The following DAB2IP variants were observed in gnomAD, a reference collection of about 807,000 sequenced individuals.
DAB2IP encodes DAB2 interacting protein.
DAB2IP carries 28 observed loss-of-function variants against 107.2 expected under a neutral mutation model. That is an observed-to-expected ratio of 0.26 (90% CI 0.19 to 0.36). The LOEUF (loss-of-function observed/expected upper bound fraction) is 0.36. DAB2IP is among the 10% of genes least tolerant of loss of function. The pLI is 1.00. For synonymous variants in DAB2IP, 755 were observed against 706.4 expected (o/e 1.07, Z -1.09); for missense variants, 1,400 against 1,644.7 (o/e 0.85, Z 2.57).
intron 3 of DAB2IP, among the ~76,000 whole-genome samples, chr9:121,717,412 C>T (rs746910680): frequency 6.6e-5 from 10 of 152,240 alleles, no homozygotes; most frequent in South Asian, 2.1e-4. Flanking sequence ...GCATCCTTTT[C>T]GGTGCAGTTT....
intron 1 of DAB2IP, among the ~76,000 whole-genome samples, chr9:121,669,616 A>G (rs562213204): frequency 7.2e-5 from 11 of 152,236 alleles, no homozygotes; most frequent in African/African-American, 2.4e-4. Context: ...CTTGAGTCCT[A>G]TCTCTAGGGA....
At chr9:121,592,579 C>CATAT (rs1830439034) in intron 1 of DAB2IP, among the ~76,000 whole-genome samples, 1 of 152,192 alleles carries the variant, frequency 6.6e-6, no homozygotes. Context: ...TGTTCTTTTC[C>CATAT]AGTGACCATA....
intron 9 of DAB2IP, among the ~76,000 whole-genome samples, chr9:121,767,404 C>A (rs1302251291): frequency 6.6e-6 from 1 of 152,214 alleles, no homozygotes; most frequent in East Asian, 1.9e-4. Flanking sequence ...GTGATAGACA[C>A]ACACGAGCCT....
chr9:121,649,708 C>G (rs1832673725), upstream of DAB2IP, among the ~76,000 whole-genome samples: 1 of 152,222 alleles, frequency 6.6e-6, no homozygotes, highest in South Asian at 2.1e-4. Flanking sequence ...GTGCTCAGAA[C>G]CCCACCTACG....
At chr9:121,571,674 A>C (rs658783) in intron 1 of DAB2IP, among the ~76,000 whole-genome samples, 46,613 of 151,872 alleles carry the variant, frequency 0.31, 7,926 homozygotes, top group African/African-American at 0.41. Flanking sequence ...CAGAGGCTGA[A>C]AGGGTTCAGC....
chr9:121,783,174 C>T (rs1835782658), exon 16 of DAB2IP: 7 of 1,073,260 alleles, frequency 6.5e-6, no homozygotes, highest in Non-Finnish European at 7.9e-6. Flanking sequence ...CTGCTACCTT[C>T]TTCCCTGCCT....
At chr9:121,697,771 C>T (rs556460253) in intron 2 of DAB2IP, among the ~76,000 whole-genome samples, 1 of 152,262 alleles carries the variant, frequency 6.6e-6, no homozygotes, top group East Asian at 1.9e-4. Flanking sequence ...CACGCAGAAT[C>T]CCAACAGGTG....
rs1209726543 is a variant in DAB2IP at position 121,634,261 on chromosome 9, C to T, written c.41-44417C>T. Among the ~76,000 whole-genome samples, 1 of 152,198 alleles carries T rather than the reference C, an allele frequency of 6.6e-6. No homozygotes were observed. The highest frequency in any genetic ancestry group is 1.5e-5 in the Non-Finnish European group (1 of 68,036). The stretch of plus-strand genomic sequence containing the variant: ...CCAATGACAACATGGGAATCCTGTG[C>T]TTTTAAGACAGGAGTAGGGCCAGAA... On this transcript the variant is annotated intron_variant, in intron 1 of 16. Coordinates refer to the DAB2IP transcript ENST00000259371. This position sits in a 1 kb window ranked among gnomAD's most constrained non-coding sequence, Gnocchi z 4.7.
At chr9:121,612,203 A>C (rs1831119227) in intron 1 of DAB2IP, among the ~76,000 whole-genome samples, 1 of 151,904 alleles carries the variant, frequency 6.6e-6, no homozygotes, top group South Asian at 2.1e-4. Context: ...CTGTAGTCCC[A>C]GCTACTCTGG....
chr9:121,665,797 T>G (rs919844938), intron 1 of DAB2IP, among the ~76,000 whole-genome samples: 1 of 152,234 alleles, frequency 6.6e-6, no homozygotes, highest in African/African-American at 2.4e-5. Context: ...TTCTCTTTTA[T>G]TAAGCCATTT....
chr9:121,722,658 C>CG (rs1831006369), intron 3 of DAB2IP, among the ~76,000 whole-genome samples: 1 of 151,944 alleles, frequency 6.6e-6, no homozygotes, highest in Non-Finnish European at 1.5e-5. Flanking sequence ...AGAAGAAACT[C>CG]AAGTGTGGAT....
intron 1 of DAB2IP, among the ~76,000 whole-genome samples, chr9:121,636,101 T>G (rs900585602): frequency 6.6e-6 from 1 of 151,916 alleles, no homozygotes; most frequent in Non-Finnish European, 1.5e-5. Flanking sequence ...TAGAGATGGG[T>G]TTTGCCATGT....
chr9:121,597,398 C>G (rs1830553380), intron 1 of DAB2IP, among the ~76,000 whole-genome samples: 1 of 152,164 alleles, frequency 6.6e-6, no homozygotes, highest in Non-Finnish European at 1.5e-5. Context: ...GCAGGGCCAT[C>G]TCTGCTACAT....
intron 1 of DAB2IP, among the ~76,000 whole-genome samples, chr9:121,579,096 C>G (rs1298578692): frequency 6.6e-6 from 1 of 152,128 alleles, no homozygotes; most frequent in Non-Finnish European, 1.5e-5. Context: ...ACCATCAGAT[C>G]TCTGCCCCTT....
intron 1 of DAB2IP, among the ~76,000 whole-genome samples, chr9:121,604,995 T>TGCC (rs1039363177): frequency 6.6e-6 from 1 of 152,208 alleles, no homozygotes; most frequent in African/African-American, 2.4e-5. Flanking sequence ...AGAACTTCTC[T>TGCC]GCCTCATTTG....
chr9:121,785,044 C>T (rs1485536775), exon 16 of DAB2IP: 1 of 152,762 alleles, frequency 6.5e-6, no homozygotes, highest in African/African-American at 2.4e-5. Flanking sequence ...AAGCCACGCC[C>T]TCCCTGCTAG....
rs1436051569 is a variant in DAB2IP at position 121,782,617 on chromosome 9, G to C, written c.*119G>C. The C allele has an allele frequency of 7.3e-6, 11 of 1,511,602 alleles. No homozygotes were observed. The East Asian group carries it at 9.3e-5, about 13-fold the overall frequency. 93.6% of individuals were successfully genotyped at this position (1,511,602 alleles called of 1,614,324 possible). On this transcript the variant is annotated 3_prime_UTR_variant, in exon 16 of 16. Transcript: ENST00000408936. This position sits in a 1 kb window ranked among gnomAD's most constrained non-coding sequence, Gnocchi z 6.1. ...CCCAGCGCGGGTGTCAGGAGGCCGA[G>C]CCTCCCCTCCCTGCCGCTGTCCAGG...
chr9:121,671,748 T>C (rs1417341966), intron 1 of DAB2IP, among the ~76,000 whole-genome samples: 1 of 152,248 alleles, frequency 6.6e-6, no homozygotes, highest in African/African-American at 2.4e-5. Context: ...TCTAGGTCCT[T>C]TGTAGTGCCA....
chr9:121,739,819 G>T (rs1219114017), intron 3 of DAB2IP, among the ~76,000 whole-genome samples: 2 of 152,162 alleles, frequency 1.3e-5, no homozygotes, highest in Admixed American at 6.5e-5. Context: ...AGCTATGGGA[G>T]TGGAAAGAAT....
Sources: gnomAD v4.1 joint callset for allele counts (sites outside exome capture counted in the v4.1 genomes callset) on GRCh38, gnomAD v4.1.1 for gene constraint, Gnocchi (gnomAD v3.1) non-coding constraint, MANE v1.5 for transcripts, NCBI Gene and HGNC (gene_info 2026-07-23, HGNC 2026-07-21) for gene names.